Variants in HSPBP1 observed in about 807,000 individuals in gnomAD.
The protein encoded by HSPBP1 is HSPA (Hsp70) binding protein 1.
Under a neutral mutation model 41.7 loss-of-function variants are expected in HSPBP1, and 31 were observed. The ratio of observed to expected loss-of-function variants is 0.74; its 90% CI spans 0.56 to 1.00. The LOEUF is 1.00. Among genes scored for constraint, HSPBP1 ranks in the 50% least tolerant of loss-of-function variants. The pLI is 0.00. For synonymous variants in HSPBP1, 199 were observed against 214.4 expected (o/e 0.93, Z 0.63); for missense variants, 439 against 487.9 (o/e 0.90, Z 0.94).
At position 55,277,698 on chromosome 19, in the gene HSPBP1, C is replaced by T. The variant is rs749344656; in HGVS notation, c.359G>A (p.Arg120Gln). Residue 120 changes from arginine to glutamine, a missense_variant, in exon 3 of 8, where the codon CGA (arginine) becomes CAA (glutamine). Physicochemically the swap from Arg to Gln is conservative, Grantham distance 43 (BLOSUM62 1). Coordinates refer to ENST00000433386, the MANE Select transcript of HSPBP1 (RefSeq NM_012267.5). ...GGCCAGCAGCTCCAGGGCCCCCTCT[C>T]GCTCTTGCTGGTCGGCCGCCTGCTC... ...EAEQAADQQE[R>Q]EGALELLADL... 9 of 1,605,456 alleles carry T rather than the reference C, an allele frequency of 5.6e-6. No individual in the cohort carries two copies. The highest frequency in any genetic ancestry group is 2.7e-5 in the African/African-American group (2 of 74,810).
In HSPBP1 at chr19:55,268,835, A is replaced by AT. The variant is rs958559075; in HGVS notation, c.641-2550dup. 6.6e-6 allele frequency among the ~76,000 whole-genome samples: 1 copy of AT among 151,976 alleles called. No homozygotes were observed. Among genetic ancestry groups the AT allele is most frequent in the African/African-American group, 2.4e-5 (1 of 41,330 alleles). The stretch of plus-strand genomic sequence containing the variant: ...AGGCATGCCCCACCATGCCTGGCTA[A>AT]TTTTTTGGTATTTTTAGTAGAGACA... On this transcript the variant is annotated intron_variant, in intron 4 of 7. Transcript: ENST00000433386. The surrounding 1 kb of genome is among the most constrained non-coding windows in gnomAD (Gnocchi z 4.5).
upstream of HSPBP1, chr19:55,280,364 C>G (rs1032215661): frequency 6.5e-6 from 1 of 153,970 alleles, no homozygotes; most frequent in African/African-American, 2.4e-5. Context: ...CTCAGCGAGT[C>G]CCGCCCCCGA....
rs749344656 is a variant in HSPBP1, at chr19:55,277,698, C to A, written c.359G>T (p.Arg120Leu). 6.2e-7 allele frequency: 1 copy of A among 1,605,574 alleles called. No individual in the cohort carries two copies. The highest frequency in any genetic ancestry group is 8.5e-7 in the Non-Finnish European group (1 of 1,176,978). Residue 120 changes from arginine (R) to leucine (L), a missense_variant, in exon 3 of 8, where the codon CGA becomes CTA. Coordinates refer to ENST00000433386, the MANE Select transcript of HSPBP1 (RefSeq NM_012267.5). ...EAEQAADQQEREGALELLADL... is the reference protein window; with the variant it reads ...EAEQAADQQELEGALELLADL... ...GGCCAGCAGCTCCAGGGCCCCCTCTCGCTCTTGCTGGTCGGCCGCCTGCTC... is the reference window on the plus strand; with the variant it reads ...GGCCAGCAGCTCCAGGGCCCCCTCTAGCTCTTGCTGGTCGGCCGCCTGCTC...
chr19:55,274,211 G>A (rs1206836288), intron 4 of HSPBP1, among the ~76,000 whole-genome samples, 187 bp downstream of exon 4: 2 of 152,232 alleles, frequency 1.3e-5, no homozygotes, highest in African/African-American at 4.8e-5. Context: ...TGCCTGGCTA[G>A]CAGGGGGTTT....
chr19:55,274,348 C>CCCCCCCCCCCCCCCCCCCCCCCCCCA, intron 4 of HSPBP1, 50 bp downstream of exon 4: 1 of 338,384 alleles, frequency 3.0e-6, no homozygotes. Flanking sequence ...CCACCCGGCA[C>CCCCCCCCCCCCCCCCCCCCCCCCCCA]CCCCCCCCAC....
upstream of HSPBP1, chr19:55,280,221 G>T (rs2088196300): frequency 1.2e-5 from 2 of 161,192 alleles, no homozygotes; most frequent in South Asian, 2.8e-4. Flanking sequence ...TTCTCACCTG[G>T]CGGGATACTG....
chr19:55,267,238 G>A (rs982284105), intron 4 of HSPBP1, among the ~76,000 whole-genome samples: 7 of 151,910 alleles, frequency 4.6e-5, no homozygotes, highest in Admixed American at 1.3e-4. Flanking sequence ...TGTAACCTCC[G>A]CTCGCAGGTT....
At chr19:55,262,871 T>G (rs571061900) in intron 7 of HSPBP1, among the ~76,000 whole-genome samples, 189 bp from the exon 8 acceptor site, 17 of 152,324 alleles carry the variant, frequency 1.1e-4, no homozygotes, top group African/African-American at 3.8e-4. Context: ...GTGTCTGAAC[T>G]ACTTGAACTA....
intron 2 of HSPBP1, 42 bp from the exon 3 acceptor site, chr19:55,277,888 C>T: frequency 7.0e-7 from 1 of 1,437,864 alleles, no homozygotes; most frequent in Non-Finnish European, 9.2e-7. Flanking sequence ...ATCCATCAGT[C>T]ATTCATTACA....
chr19:55,278,120 G>A (rs2088126225), intron 2 of HSPBP1, among the ~76,000 whole-genome samples: 1 of 152,158 alleles, frequency 6.6e-6, no homozygotes, highest in Non-Finnish European at 1.5e-5. Flanking sequence ...GGTGGCGTGA[G>A]CCTGTAATCC....
At position 55,272,493 on chromosome 19, in the gene HSPBP1, C is replaced by T. The variant is rs527793410; in HGVS notation, c.640+1905G>A. ...AGGGGCTGCGGGAGAGGACGGACGC[C>T]GAGTGATTGCTTAACGGGTACAGAA... On this transcript the variant is annotated intron_variant, in intron 4 of 7. Coordinates refer to ENST00000433386, the MANE Select transcript of HSPBP1 (RefSeq NM_012267.5). This position sits in a 1 kb window ranked among gnomAD's most constrained non-coding sequence, Gnocchi z 4.2. 4.6e-5 allele frequency among the ~76,000 whole-genome samples: 7 copies of T among 152,198 alleles called. No individual in the cohort carries two copies. The highest frequency in any genetic ancestry group is 1.7e-4 in the African/African-American group (7 of 41,526).
Position 55,265,359 on chromosome 19 carries a change from G to A in HSPBP1, c.924C>T (p.Arg308=), listed in dbSNP as rs557424457. The change falls in exon 7 of 8, where the codon CGC becomes CGT. Residue 308 remains arginine, a synonymous_variant. Transcript: ENST00000433386. ...GGCCCAGTTCCGGCTCCCGACACTC[G>A]CGCACACCCTGCGGAAAGTCTGTCA... The part of the protein sequence containing the change: ...SLVTDFPQGV[R]ECREPELGLE... The A allele has an allele frequency of 6.0e-5, 97 of 1,613,260 alleles. No individual in the cohort carries two copies. Among genetic ancestry groups the A allele is most frequent in the Admixed American group, 2.7e-4 (16 of 59,986 alleles).
intron 3 of HSPBP1, among the ~76,000 whole-genome samples, chr19:55,276,146 C>T (rs145864885): frequency 3.3e-3 from 487 of 149,156 alleles, no homozygotes; most frequent in African/African-American, 4.7e-3. Flanking sequence ...CTCTGACACA[C>T]GCCACAACAT....
rs977270519 is a variant in HSPBP1, at chr19:55,277,514, C to T, written c.415+128G>A. 4.4e-5 allele frequency: 42 copies of T among 951,830 alleles called. No individual in the cohort carries two copies. In the East Asian group the frequency reaches 7.4e-4, roughly 17 times the overall value. The allele number at this position is 951,830 out of a possible 1,614,324, so 59.0% of individuals were successfully genotyped here. On this transcript the variant is annotated intron_variant, in intron 3 of 7. Transcript: ENST00000433386. ...GCCTTGCTCCTTATGGCAATGGAGG[C>T]GAACAGGCTGATGGTGAGAAGGCAG...
In HSPBP1 at chr19:55,272,840, A is replaced by G. The variant is rs1316179013; in HGVS notation, c.640+1558T>C. Among the ~76,000 whole-genome samples, 1 of 22,644 alleles carries G rather than the reference A, an allele frequency of 4.4e-5. No homozygotes were observed. Among genetic ancestry groups the G allele is most frequent in the Admixed American group, 3.6e-4 (1 of 2,796 alleles). The allele number at this position is 22,644 out of a possible 152,430, so 14.9% of individuals were successfully genotyped here. ...GTGACAAGAGCGAGACTCTGTCTCAAAAAAAAAAAAAAGAAAGAAAAGAAG... is the reference window on the plus strand; with the variant it reads ...GTGACAAGAGCGAGACTCTGTCTCAGAAAAAAAAAAAAGAAAGAAAAGAAG... On this transcript the variant is annotated intron_variant, in intron 4 of 7. Transcript: ENST00000433386. The surrounding 1 kb of genome is among the most constrained non-coding windows in gnomAD (Gnocchi z 4.2).
Position 55,276,104 on chromosome 19 carries a change from CA to C in HSPBP1, c.416-1483del, listed in dbSNP as rs59561808. 8.3e-3 allele frequency among the ~76,000 whole-genome samples: 546 copies of C among 65,988 alleles called. 1 individual carries two copies. The highest frequency in any genetic ancestry group is 0.022 in the African/African-American group (360 of 16,196). The allele number at this position is 65,988 out of a possible 152,430, so 43.3% of individuals were successfully genotyped here. On this transcript the variant is annotated intron_variant, in intron 3 of 7. Coordinates refer to ENST00000433386, the MANE Select transcript of HSPBP1 (RefSeq NM_012267.5). The stretch of plus-strand genomic sequence containing the variant: ...TGCACTCCAGCCTGGGAGACTGACT[CA>C]AAAAAAAAAAAAAAAAAAAAAGGAA...
At chr19:55,274,968 G>C (rs764411529) in intron 3 of HSPBP1, among the ~76,000 whole-genome samples, 1 of 152,158 alleles carries the variant, frequency 6.6e-6, no homozygotes, top group Admixed American at 6.5e-5. Context: ...CCAGAGCCGT[G>C]AGAAAATACA....
At chr19:55,274,820 GAAGAA>G (rs2088027841) in intron 3 of HSPBP1, among the ~76,000 whole-genome samples, 198 bp from the exon 4 acceptor site, 1 of 152,040 alleles carries the variant, frequency 6.6e-6, no homozygotes, top group African/African-American at 2.4e-5. Context: ...GTCCTGATAA[GAAGAA>G]GAGATGAGGA....
In HSPBP1 at chr19:55,278,923, C is replaced by CAAA. The variant is rs34254075; in HGVS notation, c.210+473_210+475dup. 1.1e-3 allele frequency among the ~76,000 whole-genome samples: 100 copies of CAAA among 90,652 alleles called. 4 individuals are homozygous for CAAA. The highest frequency in any genetic ancestry group is 5.5e-3 in the South Asian group (14 of 2,550). The allele number at this position is 90,652 out of a possible 152,430, so 59.5% of individuals were successfully genotyped here. A position where few individuals can be genotyped will look rare whatever the true frequency, so the allele number is the denominator to read the frequency against. ...CCTCCACCCCCAACCCTGCCCCCAC[C>CAAA]AAAAAAAAAAAAAAAAAACAGCAGT... is the stretch of plus-strand genomic sequence containing the variant. On this transcript the variant is annotated intron_variant, in intron 2 of 7. Coordinates refer to ENST00000433386, the MANE Select transcript of HSPBP1 (RefSeq NM_012267.5).
Sources: gnomAD v4.1 joint callset for allele counts (sites outside exome capture counted in the v4.1 genomes callset) on GRCh38, gnomAD v4.1.1 for gene constraint, Gnocchi (gnomAD v3.1) non-coding constraint, MANE v1.5 for transcripts, NCBI Gene and HGNC (gene_info 2026-07-23, HGNC 2026-07-21) for gene names.